The following FBP1 variants were observed in gnomAD, a reference collection of about 807,000 sequenced individuals.
FBP1 encodes fructose-1,6-bisphosphatase 1.
A neutral mutation model predicts 29.9 loss-of-function variants in FBP1; 22 were observed. That is an observed-to-expected ratio of 0.74 (90% CI 0.53 to 1.05). The LOEUF is 1.05. Among genes scored for constraint, FBP1 ranks in the 50% least tolerant of loss-of-function variants. The probability of loss-of-function intolerance (pLI) is 0.00; values close to 1 mark genes in which losing one functional copy is unlikely to be tolerated. For synonymous variants in FBP1, 175 were observed against 178.6 expected, an observed-to-expected ratio of 0.98 and a Z score of 0.16; for missense variants, 345 against 448.2, an observed-to-expected ratio of 0.77 and a Z score of 2.08.
At chr9:94,616,864 C>T (rs1827870928) in intron 3 of FBP1, among the ~76,000 whole-genome samples, 1 of 151,816 alleles carries the variant, frequency 6.6e-6, no homozygotes, top group African/African-American at 2.4e-5. Context: ...TAATTGAGCA[C>T]CTCTCCCTCT....
intron 3 of FBP1, among the ~76,000 whole-genome samples, chr9:94,613,782 GAAGAA>G (rs1827820753): frequency 8.2e-6 from 1 of 121,250 alleles, no homozygotes; most frequent in Non-Finnish European, 1.7e-5. Context: ...AGAAAAAAAA[GAAGAA>G]AAAAAAAAGG....
intron 3 of FBP1, among the ~76,000 whole-genome samples, chr9:94,616,093 G>A (rs1169812779): frequency 6.6e-6 from 1 of 152,134 alleles, no homozygotes; most frequent in East Asian, 1.9e-4. Context: ...CTCCCAAAGT[G>A]CTGGGATTAC....
At chr9:94,628,691 C>T (rs960930698) in intron 1 of FBP1, among the ~76,000 whole-genome samples, 1 of 152,190 alleles carries the variant, frequency 6.6e-6, no homozygotes, top group Non-Finnish European at 1.5e-5. Flanking sequence ...ATGTCAGCTA[C>T]TTCCAGGCAT....
chr9:94,637,820 G>A (rs910870568), intron 1 of FBP1, among the ~76,000 whole-genome samples: 8 of 152,042 alleles, frequency 5.3e-5, no homozygotes, highest in Admixed American at 4.6e-4. Context: ...TGCGCACGGC[G>A]GCTCATGCCT....
intron 3 of FBP1, among the ~76,000 whole-genome samples, chr9:94,611,957 C>A (rs1315210452): frequency 6.6e-6 from 1 of 152,174 alleles, no homozygotes; most frequent in Non-Finnish European, 1.5e-5. Context: ...AAACCCATTT[C>A]TTTCCACCGC....
intron 1 of FBP1, among the ~76,000 whole-genome samples, chr9:94,629,183 T>C (rs942886858): frequency 6.6e-6 from 1 of 152,188 alleles, no homozygotes; most frequent in African/African-American, 2.4e-5. Context: ...GGTCTCACCA[T>C]GTTGACCAGG....
At chr9:94,608,100 C>A (rs1827727334) in intron 4 of FBP1, among the ~76,000 whole-genome samples, 1 of 152,186 alleles carries the variant, frequency 6.6e-6, no homozygotes, top group Non-Finnish European at 1.5e-5. Context: ...CCCAGCCAGA[C>A]TGTCCATGGT....
At chr9:94,632,889 G>T (rs190945749) in intron 1 of FBP1, among the ~76,000 whole-genome samples, 76 of 152,206 alleles carry the variant, frequency 5.0e-4, no homozygotes, top group Non-Finnish European at 8.8e-4. Flanking sequence ...TCTCCAAAAC[G>T]TGCTCTGAAT....
intron 3 of FBP1, among the ~76,000 whole-genome samples, chr9:94,615,143 C>T (rs1219822506): frequency 1.8e-4 from 27 of 152,132 alleles, no homozygotes; most frequent in Admixed American, 1.4e-3. Flanking sequence ...CTCCTGACCT[C>T]GTGATCCGCC....
intron 6 of FBP1, among the ~76,000 whole-genome samples, chr9:94,605,125 G>A (rs1228974091): frequency 2.0e-5 from 3 of 152,172 alleles, no homozygotes; most frequent in Non-Finnish European, 4.4e-5. Flanking sequence ...CCTTGGAAGT[G>A]AGGCTGGGTT....
At chr9:94,639,051 A>T in intron 1 of FBP1, 90 bp downstream of exon 1, 1 of 1,259,712 alleles carries the variant, frequency 7.9e-7, no homozygotes, top group Non-Finnish European at 1.1e-6. Flanking sequence ...GGCTGACGGC[A>T]GGAGGCTCAG....
intron 6 of FBP1, 63 bp downstream of exon 6, chr9:94,605,394 A>T: frequency 6.3e-7 from 1 of 1,582,082 alleles, no homozygotes; most frequent in Non-Finnish European, 8.6e-7. Context: ...TTCTTCCTAA[A>T]CTAAATCGCG....
At chr9:94,638,626 G>A (rs949557272) in intron 1 of FBP1, among the ~76,000 whole-genome samples, 2 of 16,054 alleles carry the variant, frequency 1.2e-4, no homozygotes, top group Non-Finnish European at 2.0e-4. Flanking sequence ...GCCTGCTTGC[G>A]GGGGGGGCGG....
chr9:94,609,334 G>A (rs529028362), intron 4 of FBP1, among the ~76,000 whole-genome samples: 1 of 152,318 alleles, frequency 6.6e-6, no homozygotes, highest in African/African-American at 2.4e-5. Context: ...CAGGAAAACA[G>A]CCTTTTGGTG....
In FBP1 at chr9:94,617,721, T is replaced by C. The variant is rs772940352; in HGVS notation, c.426+47A>G. On this transcript the variant is annotated intron_variant, in intron 3 of 6. Transcript: ENST00000375326. ...CAGTGAAATAGGACTGGATGCTCAA[T>C]CTTAACTTCTGTCCCCAAACCAAGT... 3.9e-6 allele frequency: 5 copies of C among 1,271,658 alleles called. No individual in the cohort carries two copies. In the African/African-American group the frequency reaches 4.4e-5, roughly 11 times the overall value. 78.8% of individuals were successfully genotyped at this position (1,271,658 alleles called of 1,614,324 possible).
chr9:94,620,257 G>T, intron 2 of FBP1, 72 bp downstream of exon 2: 12 of 1,515,118 alleles, frequency 7.9e-6, no homozygotes, highest in Middle Eastern at 2.3e-4. Flanking sequence ...AGCTGAACAA[G>T]TGGAGTCAAT....
At chr9:94,633,910 G>C (rs548471687) in intron 1 of FBP1, among the ~76,000 whole-genome samples, 32 of 151,406 alleles carry the variant, frequency 2.1e-4, no homozygotes, top group Middle Eastern at 3.4e-3. Context: ...GTTTCACCGT[G>C]TTGGCCAGGA....
rs1248299502 is a variant in FBP1, at chr9:94,603,412, A to G, written c.986T>C (p.Leu329Pro). ...LGSPDDVLEFLKVYEKHSAQ is the reference protein window; with the variant it reads ...LGSPDDVLEFPKVYEKHSAQ Reference sequence around the variant, plus strand: ...GGCAGAGTGCTTCTCATACACCTTCAGGAACTCGAGCACGTCGTCGGGGGA... The same window carrying G: ...GGCAGAGTGCTTCTCATACACCTTCGGGAACTCGAGCACGTCGTCGGGGGA... The change falls in exon 7 of 7, where the codon CTG becomes CCG. Residue 329 changes from leucine to proline, a missense_variant. Physicochemically the swap from Leu to Pro is moderately conservative, Grantham distance 98 (BLOSUM62 -3). Coordinates refer to ENST00000375326, the MANE Select transcript of FBP1 (RefSeq NM_000507.4). 2.5e-6 allele frequency: 4 copies of G among 1,613,940 alleles called. No individual in the cohort carries two copies. Among genetic ancestry groups the G allele is most frequent in the South Asian group, 1.1e-5 (1 of 91,038 alleles).
chr9:94,606,993 C>T, intron 4 of FBP1, 41 bp from the exon 5 acceptor site: 1 of 1,613,522 alleles, frequency 6.2e-7, no homozygotes, highest in Non-Finnish European at 8.5e-7. Context: ...ATGACGAGCG[C>T]ACTGGGTCCC....
Sources: allele counts gnomAD v4.1 joint callset (sites outside exome capture counted in the v4.1 genomes callset), GRCh38; gene constraint gnomAD v4.1.1; transcripts MANE v1.5; gene names NCBI Gene and HGNC (gene_info 2026-07-23, HGNC 2026-07-21).